The following CADPS variants were observed in gnomAD, a reference collection of about 807,000 sequenced individuals.
CADPS encodes calcium-dependent secretion activator 1.
CADPS carries 57 observed loss-of-function variants against 167.3 expected under a neutral mutation model. The observed-to-expected ratio is 0.34, with a 90% confidence interval of 0.28 to 0.42. The LOEUF is 0.42. CADPS is among the 20% of genes least tolerant of loss of function. CADPS has a pLI of 1.00. For missense variants in CADPS, 1,414 were observed against 1,738.1 expected, an observed-to-expected ratio of 0.81 and a Z score of 3.32; for synonymous variants, 676 against 635.3, an observed-to-expected ratio of 1.06 and a Z score of -0.96.
intron 7 of CADPS, among the ~76,000 whole-genome samples, chr3:62,588,215 A>G (rs1338760568): frequency 6.6e-6 from 1 of 151,518 alleles, no homozygotes; most frequent in Non-Finnish European, 1.5e-5. Flanking sequence ...TACCTCTTGC[A>G]TACCCCAGGA....
chr3:62,814,187 G>C (rs1576770228), intron 1 of CADPS, among the ~76,000 whole-genome samples: 1 of 152,050 alleles, frequency 6.6e-6, no homozygotes, highest in Admixed American at 6.6e-5. Flanking sequence ...CAAACTCATT[G>C]TTTTCTGGGC....
At chr3:62,625,795 C>G (rs1376552819) in intron 6 of CADPS, 2 of 150,926 alleles carry the variant, frequency 1.3e-5, no homozygotes, top group Non-Finnish European at 2.9e-5. Flanking sequence ...CAAGAGCCAT[C>G]TTCTCCAGGA....
At chr3:62,499,523 A>G in intron 17 of CADPS, 1 of 290,824 alleles carries the variant, frequency 3.4e-6, no homozygotes, top group East Asian at 6.4e-5. Context: ...TAAGTCTATG[A>G]CAGCCCATAT....
chr3:62,631,615 C>T (rs1014346373), intron 6 of CADPS, among the ~76,000 whole-genome samples: 9 of 152,202 alleles, frequency 5.9e-5, no homozygotes, highest in Non-Finnish European at 1.0e-4. Flanking sequence ...TGAAGTATCA[C>T]TCTGCTGTTT....
At chr3:62,716,018 C>T (rs6775252) in intron 3 of CADPS, among the ~76,000 whole-genome samples, 94,713 of 151,472 alleles carry the variant, frequency 0.63, 30,200 homozygotes, top group East Asian at 0.77. Context: ...GTGCTGGGAT[C>T]ACAGGAGTGA....
rs138034142 is a variant in CADPS at position 62,871,119 on chromosome 3, C to A, written c.441+3470G>T. Among the ~76,000 whole-genome samples the A allele has an allele frequency of 1.3e-3, 203 of 152,148 alleles. 1 individual carries two copies. Among genetic ancestry groups the A allele is most frequent in the African/African-American group, 4.6e-3 (190 of 41,520 alleles). ...TTTTTTCAGATAGTCTGTTTAAAGT[C>A]CCCTCTTTAATTAGGAAGATTGTTG... On this transcript the variant is annotated intron_variant, in intron 1 of 29. Transcript: ENST00000383710.
intron 3 of CADPS, among the ~76,000 whole-genome samples, chr3:62,703,155 T>G (rs2081723727): frequency 6.6e-6 from 1 of 152,184 alleles, no homozygotes; most frequent in African/African-American, 2.4e-5. Context: ...CTAGAATTAT[T>G]TACAAGCTAT....
intron 1 of CADPS, among the ~76,000 whole-genome samples, chr3:62,844,446 A>T (rs2077085575): frequency 6.6e-6 from 1 of 152,120 alleles, no homozygotes; most frequent in Admixed American, 6.6e-5. Context: ...TTCATGATCA[A>T]CTCACATGTA....
At chr3:62,405,931 T>A (rs1192066434) in intron 28 of CADPS, among the ~76,000 whole-genome samples, 1 of 152,150 alleles carries the variant, frequency 6.6e-6, no homozygotes, top group Admixed American at 6.5e-5. Context: ...TCTAGAACTT[T>A]AAAATGTTAG....
At chr3:62,650,254 T>A (rs891925450) in intron 5 of CADPS, among the ~76,000 whole-genome samples, 5 of 152,234 alleles carry the variant, frequency 3.3e-5, no homozygotes, top group Non-Finnish European at 7.3e-5. Flanking sequence ...GTGAACTACC[T>A]TCCCATGTAA....
chr3:62,873,362 A>G (rs2082978802), intron 1 of CADPS, among the ~76,000 whole-genome samples: 1 of 152,240 alleles, frequency 6.6e-6, no homozygotes, highest in South Asian at 2.1e-4. Flanking sequence ...CTATTTTCAG[A>G]CACTAGTCTC....
chr3:62,496,036 A>C (rs1331908152), intron 18 of CADPS, among the ~76,000 whole-genome samples: 3 of 151,868 alleles, frequency 2.0e-5, no homozygotes, highest in Non-Finnish European at 4.4e-5. Context: ...GCCAAGATCC[A>C]AGCTTAGGAT....
chr3:62,593,181 A>G (rs1170189953), intron 6 of CADPS, among the ~76,000 whole-genome samples: 2 of 152,218 alleles, frequency 1.3e-5, no homozygotes, highest in Non-Finnish European at 2.9e-5. Flanking sequence ...ATGAGACTTC[A>G]ACAATAGTGG....
intron 9 of CADPS, among the ~76,000 whole-genome samples, chr3:62,567,394 G>A (rs557936400): frequency 1.3e-5 from 2 of 151,802 alleles, no homozygotes; most frequent in Admixed American, 1.3e-4. Context: ...TGCGTGTGGT[G>A]GAGGAAAGAG....
At chr3:62,656,037 A>G (rs2150329541) in intron 4 of CADPS, among the ~76,000 whole-genome samples, 1 of 152,274 alleles carries the variant, frequency 6.6e-6, no homozygotes, top group Admixed American at 6.5e-5. Flanking sequence ...CTAGCTTTGT[A>G]AGTTTGGACA....
chr3:62,525,229 T>C (rs2071762277), intron 13 of CADPS, among the ~76,000 whole-genome samples: 1 of 152,132 alleles, frequency 6.6e-6, no homozygotes, highest in Non-Finnish European at 1.5e-5. Flanking sequence ...GAATCTGCTG[T>C]TCTCATGGGG....
chr3:62,624,863 G>A (rs534290584), intron 6 of CADPS, among the ~76,000 whole-genome samples: 2 of 152,242 alleles, frequency 1.3e-5, no homozygotes, highest in South Asian at 2.1e-4. Flanking sequence ...AGCCATGTCT[G>A]TGGTACATGA....
intron 6 of CADPS, among the ~76,000 whole-genome samples, chr3:62,634,173 G>A (rs970862688): frequency 1.3e-5 from 2 of 152,112 alleles, no homozygotes; most frequent in Non-Finnish European, 2.9e-5. Context: ...GCCTCAAACA[G>A]GTCTAGAGAA....
chr3:62,474,497 C>T (rs147629881), intron 23 of CADPS, among the ~76,000 whole-genome samples, 177 bp from the exon 24 acceptor site: 5 of 152,224 alleles, frequency 3.3e-5, no homozygotes, highest in East Asian at 3.9e-4. Flanking sequence ...GGCCTATTCA[C>T]GGAGACAGAC....
Sources: allele counts gnomAD v4.1 joint callset (sites outside exome capture counted in the v4.1 genomes callset), GRCh38; gene constraint gnomAD v4.1.1; transcripts MANE v1.5; gene names NCBI Gene and HGNC (gene_info 2026-07-23, HGNC 2026-07-21).